AOX1: variants seen among roughly 807,000 people sequenced by gnomAD.
The protein encoded by AOX1 is aldehyde oxidase 1, also known as aldehyde oxidase.
Under a neutral mutation model 169.5 loss-of-function variants are expected in AOX1, and 153 were observed. That is an observed-to-expected ratio of 0.90 (90% CI 0.79 to 1.03). AOX1 has a LOEUF of 1.03. Among genes scored for constraint, AOX1 ranks in the 50% least tolerant of loss-of-function variants. The pLI is 0.00. For synonymous variants in AOX1, 562 were observed against 581.9 expected, an observed-to-expected ratio of 0.97 and a Z score of 0.49; for missense variants, 1,656 against 1,663.9, an observed-to-expected ratio of 1.00 and a Z score of 0.08.
At chr2:200,611,248 T>G (rs190151277) in intron 12 of AOX1, 136 bp from the exon 13 acceptor site, 252 of 669,322 alleles carry the variant, frequency 3.8e-4, no homozygotes, top group African/African-American at 2.6e-3. Context: ...GTAAAAGATT[T>G]GCGAAGCATA....
chr2:200,625,904 G>A (rs897916523), intron 19 of AOX1, among the ~76,000 whole-genome samples: 2 of 152,132 alleles, frequency 1.3e-5, no homozygotes, highest in Non-Finnish European at 2.9e-5. Flanking sequence ...TCTGGCACAT[G>A]CTTTTCGAGT....
chr2:200,663,394 A>G (rs1167059140), intron 31 of AOX1, among the ~76,000 whole-genome samples: 1 of 152,072 alleles, frequency 6.6e-6, no homozygotes, highest in Non-Finnish European at 1.5e-5. Context: ...CCACTTTTTT[A>G]TATCTTTTAC....
Position 200,609,154 on chromosome 2 carries a change from T to C in AOX1, c.1059+19T>C. 6.2e-7 allele frequency: 1 copy of C among 1,613,084 alleles called. No individual in the cohort carries two copies. The highest frequency in any genetic ancestry group is 8.5e-7 in the Non-Finnish European group (1 of 1,179,584). The stretch of plus-strand genomic sequence containing the variant: ...CATGGCTGTATGTATCTGATGACAG[T>C]AAACTCTGGTATGCATCCCTTGGGT... On this transcript the variant is annotated intron_variant, in intron 11 of 34. Coordinates refer to ENST00000374700, the MANE Select transcript of AOX1 (RefSeq NM_001159.4).
intron 34 of AOX1, 131 bp downstream of exon 34, chr2:200,669,873 G>A: frequency 1.0e-6 from 1 of 974,318 alleles, no homozygotes; most frequent in Non-Finnish European, 1.5e-6. Flanking sequence ...GAAACCTGGG[G>A]GCATTTGAGC....
In AOX1 at chr2:200,621,173, C is replaced by T; in HGVS notation, c.1928C>T (p.Thr643Ile). Residue 643 changes from threonine (T) to isoleucine (I), a missense_variant, in exon 18 of 35, where the codon ACA becomes ATA. Transcript: ENST00000374700. Reference protein sequence around the residue: ...LSMPGVVDIMTAEHLSDVNSF... With the variant: ...LSMPGVVDIMIAEHLSDVNSF... Reference sequence around the variant, plus strand: ...ATGCCCGGTGTGGTGGACATCATGACAGCAGAACATCTTAGTGACGTCAAC... The same window carrying T: ...ATGCCCGGTGTGGTGGACATCATGATAGCAGAACATCTTAGTGACGTCAAC... 1 of 1,614,148 alleles carries T rather than the reference C, an allele frequency of 6.2e-7. No homozygotes were observed. The highest frequency in any genetic ancestry group is 8.5e-7 in the Non-Finnish European group (1 of 1,179,988).
downstream of AOX1, among the ~76,000 whole-genome samples, chr2:200,675,719 C>A (rs1355749581): frequency 1.3e-5 from 2 of 151,918 alleles, no homozygotes. Context: ...GGCAATAATA[C>A]AAATAGTTAA....
At chr2:200,634,641 A>C in intron 20 of AOX1, 150 bp from the exon 21 acceptor site, 1 of 958,454 alleles carries the variant, frequency 1.0e-6, no homozygotes, top group Non-Finnish European at 1.5e-6. Flanking sequence ...CTGCAAGTAG[A>C]CTGAAAGCTA....
At chr2:200,588,990 G>T (rs2034110764) in intron 1 of AOX1, among the ~76,000 whole-genome samples, 1 of 151,904 alleles carries the variant, frequency 6.6e-6, no homozygotes, top group African/African-American at 2.4e-5. Context: ...GTAAGGGATT[G>T]TTGAGAAGAG....
chr2:200,589,079 A>C (rs1468507473), intron 1 of AOX1, among the ~76,000 whole-genome samples: 1 of 152,152 alleles, frequency 6.6e-6, no homozygotes, highest in Non-Finnish European at 1.5e-5. Flanking sequence ...CCTTTGAAAA[A>C]GAAGCTTAGA....
chr2:200,623,913 A>G lies in AOX1; in HGVS notation c.2054A>G (p.Gln685Arg), dbSNP rs763802709. 1 of 1,614,150 alleles carries G rather than the reference A, an allele frequency of 6.2e-7. No homozygotes were observed. The highest frequency in any genetic ancestry group is 8.5e-7 in the Non-Finnish European group (1 of 1,180,002). Residue 685 changes from glutamine (Q) to arginine (R), a missense_variant, in exon 19 of 35, where the codon CAG becomes CGG. Transcript: ENST00000374700. ...GCTGTGCTTGCCGATTCTGAGGTTC[A>G]GGCAAAGCGAGCTGCTAAGCGAGTG... ...VCAVLADSEV[Q>R]AKRAAKRVKI...
At chr2:200,626,034 A>T (rs956501951) in intron 19 of AOX1, among the ~76,000 whole-genome samples, 3 of 152,184 alleles carry the variant, frequency 2.0e-5, no homozygotes, top group Non-Finnish European at 2.9e-5. Flanking sequence ...ATCATCAACA[A>T]CAACATGAGC....
rs1369830847 is a variant in AOX1 at position 200,660,033 on chromosome 2, C to T, written c.3339C>T (p.Ile1113=). ...CQTLLKRLEP[I]ISKNPKGTWK... is the part of the protein sequence containing the mutation. ...CTCTTCTAAAACGCCTCGAACCCAT[C>T]ATCAGCAAGAATCCTAAAGGAACTT... Residue 1113 remains isoleucine (I), a synonymous_variant, in exon 29 of 35, where the codon ATC becomes ATT. Transcript: ENST00000374700. 1 of 1,613,916 alleles carries T rather than the reference C, an allele frequency of 6.2e-7. No homozygotes were observed. The highest frequency in any genetic ancestry group is 2.2e-5 in the East Asian group (1 of 44,866).
chr2:200,605,586 G>A lies in AOX1; in HGVS notation c.865G>A (p.Asp289Asn). 1 of 1,566,296 alleles carries A rather than the reference G, an allele frequency of 6.4e-7. No individual in the cohort carries two copies. The highest frequency in any genetic ancestry group is 8.6e-7 in the Non-Finnish European group (1 of 1,156,978). The change falls in exon 10 of 35, where the codon GAT becomes AAT. Residue 289 changes from aspartate to asparagine, a missense_variant. By Grantham distance (23) the Asp-to-Asn change is conservative. Coordinates refer to ENST00000374700, the MANE Select transcript of AOX1 (RefSeq NM_001159.4). ...GVFHPVIISP[D>N]RIEELSVVNH... The stretch of plus-strand genomic sequence containing the variant: ...CTTTCACCCAGTTATAATTTCTCCT[G>A]ATAGAATTGAAGAACTGAGTGTTGT...
At chr2:200,611,272 T>C in intron 12 of AOX1, 112 bp from the exon 13 acceptor site, 1 of 743,946 alleles carries the variant, frequency 1.3e-6, no homozygotes, top group Non-Finnish European at 2.4e-6. Flanking sequence ...AGAGCACCTG[T>C]TTCCCTGAAC....
intron 30 of AOX1, among the ~76,000 whole-genome samples, chr2:200,661,995 T>A (rs941715964): frequency 2.0e-5 from 3 of 152,120 alleles, no homozygotes; most frequent in African/African-American, 7.2e-5. Flanking sequence ...GGAAAGCAAA[T>A]TAAACCCATA....
chr2:200,624,353 G>T (rs768962953), intron 19 of AOX1, among the ~76,000 whole-genome samples: 16 of 152,304 alleles, frequency 1.1e-4, no homozygotes, highest in Non-Finnish European at 2.2e-4. Flanking sequence ...CCAAATTAAT[G>T]ACTGGCAGAG....
chr2:200,624,904 A>AGCATAATGAACATGTTGTTCACC, intron 19 of AOX1, among the ~76,000 whole-genome samples: 1 of 152,146 alleles, frequency 6.6e-6, no homozygotes, highest in Non-Finnish European at 1.5e-5. Flanking sequence ...TTAGCTTCAC[A>AGCATAATGAACATGTTGTTCACC]GCATAATGAA....
intron 6 of AOX1, among the ~76,000 whole-genome samples, chr2:200,602,683 G>A (rs1403848455): frequency 2.6e-5 from 4 of 152,034 alleles, no homozygotes; most frequent in East Asian, 3.9e-4. Flanking sequence ...CACATGTCCC[G>A]TCACAGCTTT....
chr2:200,599,844 G>A, intron 5 of AOX1, 98 bp downstream of exon 5: 5 of 1,016,524 alleles, frequency 4.9e-6, no homozygotes, highest in Non-Finnish European at 6.4e-6. Flanking sequence ...GAGGGCGGCG[G>A]CGCAATCTTG....
Sources: gnomAD v4.1 joint callset for allele counts (sites outside exome capture counted in the v4.1 genomes callset) on GRCh38, gnomAD v4.1.1 for gene constraint, MANE v1.5 for transcripts, NCBI Gene and HGNC (gene_info 2026-07-23, HGNC 2026-07-21) for gene names.